Variants in SAMD12 observed in about 807,000 individuals in gnomAD.
The protein encoded by SAMD12 is sterile alpha motif domain containing 12.
SAMD12 carries 9 observed loss-of-function variants against 15.0 expected under a neutral mutation model. The ratio of observed to expected loss-of-function variants is 0.60; its 90% CI spans 0.36 to 1.05. The LOEUF (loss-of-function observed/expected upper bound fraction) is 1.05. SAMD12 is among the 50% of genes least tolerant of loss of function. The pLI, the probability that SAMD12 is intolerant of heterozygous loss-of-function variation, is 0.01. For synonymous variants in SAMD12, 86 were observed against 90.1 expected (o/e 0.96, Z 0.25); for missense variants, 230 against 234.2 (o/e 0.98, Z 0.12).
intron 4 of SAMD12, among the ~76,000 whole-genome samples, chr8:118,232,450 G>A (rs1489677024): frequency 6.6e-6 from 1 of 152,164 alleles, no homozygotes; most frequent in Non-Finnish European, 1.5e-5. Context: ...GTTCAGCTGG[G>A]CTGAAGTGAG....
chr8:118,549,421 G>A (rs895072242), intron 2 of SAMD12, among the ~76,000 whole-genome samples: 2 of 152,210 alleles, frequency 1.3e-5, no homozygotes, highest in Non-Finnish European at 2.9e-5. Context: ...AGGCAAACAG[G>A]GTCTGGAGTG....
chr8:118,299,214 G>T (rs1402016481), intron 4 of SAMD12, among the ~76,000 whole-genome samples: 1 of 152,164 alleles, frequency 6.6e-6, no homozygotes, highest in African/African-American at 2.4e-5. Context: ...TATAAATAAG[G>T]TACCAGAGCC....
At chr8:118,156,460 T>G in the SAMD12 span, among the ~76,000 whole-genome samples, 14 of 152,178 alleles carry the variant, frequency 9.2e-5, no homozygotes, top group Non-Finnish European at 1.8e-4. Flanking sequence ...ACACTAGATA[T>G]CAAGGCTCCA....
intron 3 of SAMD12, among the ~76,000 whole-genome samples, chr8:118,393,042 A>G (rs1342566062): frequency 3.3e-5 from 5 of 152,176 alleles, no homozygotes; most frequent in East Asian, 1.9e-4. Flanking sequence ...CAAAACAACA[A>G]AACACTTACT....
chr8:118,558,161 T>C (rs760831060), intron 2 of SAMD12, among the ~76,000 whole-genome samples: 45 of 152,222 alleles, frequency 3.0e-4, no homozygotes, highest in Non-Finnish European at 6.0e-4. Context: ...CATATTTATC[T>C]TTAGTTTTGT....
intron 4 of SAMD12, among the ~76,000 whole-genome samples, chr8:118,243,637 C>T (rs1250975204): frequency 2.6e-5 from 4 of 152,030 alleles, no homozygotes; most frequent in Non-Finnish European, 5.9e-5. Flanking sequence ...GATCTGCATT[C>T]CATTTATATG....
chr8:118,442,918 T>A (rs759932654), intron 2 of SAMD12, among the ~76,000 whole-genome samples: 1 of 152,210 alleles, frequency 6.6e-6, no homozygotes, highest in Admixed American at 6.5e-5. Context: ...CTTGCTCATA[T>A]CCTGGGAAAG....
the SAMD12 span, among the ~76,000 whole-genome samples, chr8:118,183,971 A>AG: frequency 6.6e-6 from 1 of 152,328 alleles, no homozygotes; most frequent in South Asian, 2.1e-4. Context: ...AATGGCCTCC[A>AG]GGGAAATGAT....
intron 2 of SAMD12, among the ~76,000 whole-genome samples, chr8:118,529,564 A>G (rs1369423866): frequency 6.6e-6 from 1 of 152,090 alleles, no homozygotes; most frequent in Non-Finnish European, 1.5e-5. Context: ...TACCCCTTGG[A>G]GTTGCCAGTG....
At chr8:118,218,527 C>T (rs1488816288) in intron 4 of SAMD12, among the ~76,000 whole-genome samples, 1 of 151,118 alleles carries the variant, frequency 6.6e-6, no homozygotes, top group South Asian at 2.1e-4. Context: ...TCCCCACCCC[C>T]ACCCCTGCCA....
intron 2 of SAMD12, among the ~76,000 whole-genome samples, chr8:118,454,179 G>A (rs1292483635): frequency 6.6e-6 from 1 of 152,160 alleles, no homozygotes; most frequent in East Asian, 1.9e-4. Context: ...GTCAGAAAAA[G>A]TCTTTATTCT....
intron 4 of SAMD12, among the ~76,000 whole-genome samples, chr8:118,229,125 G>C (rs1375062409): frequency 6.6e-6 from 1 of 152,054 alleles, no homozygotes; most frequent in Non-Finnish European, 1.5e-5. Flanking sequence ...GGACTTTAGG[G>C]ACTTGAAGGG....
At chr8:118,325,246 A>C (rs1816511803) in intron 4 of SAMD12, among the ~76,000 whole-genome samples, 1 of 152,212 alleles carries the variant, frequency 6.6e-6, no homozygotes, top group Non-Finnish European at 1.5e-5. Context: ...TTTTTTAAAT[A>C]GGAGCAGGAA....
chr8:118,159,741 G>C, the SAMD12 span, among the ~76,000 whole-genome samples: 6 of 140,682 alleles, frequency 4.3e-5, no homozygotes, highest in Non-Finnish European at 7.6e-5. Context: ...TTGAGAGGGC[G>C]TCTCACTCTT....
Position 118,507,991 on chromosome 8 carries a change from C to CTTT in SAMD12, c.193-68033_193-68031dup, listed in dbSNP as rs11384671. Among the ~76,000 whole-genome samples the CTTT allele has an allele frequency of 1.8e-3, 194 of 108,790 alleles. 6 individuals are homozygous for CTTT. Among genetic ancestry groups the CTTT allele is most frequent in the Middle Eastern group, 6.8e-3 (1 of 148 alleles). The allele number at this position is 108,790 out of a possible 152,430, so 71.4% of individuals were successfully genotyped here. ...GCAAACCCCTAGATAGTATAATCTC[C>CTTT]TTTTTTTTTTTTTTTTTTTTGAGAC... is the stretch of plus-strand genomic sequence containing the variant. On this transcript the variant is annotated intron_variant, in intron 2 of 3. Coordinates refer to ENST00000314727, the MANE Select transcript of SAMD12 (RefSeq NM_207506.3).
intron 2 of SAMD12, among the ~76,000 whole-genome samples, chr8:118,494,338 T>C (rs1824538672): frequency 6.6e-6 from 1 of 152,224 alleles, no homozygotes; most frequent in South Asian, 2.1e-4. Context: ...ATTTGTGTTT[T>C]TATCCACTAT....
exon 5 of SAMD12, chr8:118,192,758 C>T (rs867379588): frequency 6.6e-6 from 1 of 152,138 alleles, no homozygotes; most frequent in African/African-American, 2.4e-5. Flanking sequence ...GTCTAAATAT[C>T]TATGACACTT....
At chr8:118,554,448 C>T (rs544180911) in intron 2 of SAMD12, among the ~76,000 whole-genome samples, 3 of 150,348 alleles carry the variant, frequency 2.0e-5, no homozygotes, top group African/African-American at 7.4e-5. Context: ...AAACCAAACA[C>T]CGCATATTCT....
intron 2 of SAMD12, among the ~76,000 whole-genome samples, chr8:118,528,033 AT>A (rs59335870): frequency 0.32 from 22,379 of 69,152 alleles, 1,731 homozygotes; most frequent in South Asian, 0.49. Flanking sequence ...ATATATATAT[AT>A]TTTTTTTCCT....
Sources: allele counts gnomAD v4.1 joint callset (sites outside exome capture counted in the v4.1 genomes callset), GRCh38; gene constraint gnomAD v4.1.1; transcripts MANE v1.5; gene names NCBI Gene and HGNC (gene_info 2026-07-23, HGNC 2026-07-21).